The following RAP2C variants were observed in gnomAD, a reference collection of about 807,000 sequenced individuals.
The protein encoded by RAP2C is RAP2C, member of RAS oncogene family.
RAP2C carries 3 observed loss-of-function variants against 8.9 expected under a neutral mutation model. The observed-to-expected ratio is 0.34, with a 90% CI of 0.15 to 0.87. RAP2C has a LOEUF of 0.87. Among genes scored for constraint, RAP2C ranks in the 40% least tolerant of loss-of-function variants. RAP2C has a pLI of 0.51. For synonymous variants in RAP2C, 60 were observed against 52.1 expected (o/e 1.15, Z -0.65); for missense variants, 76 against 133.7 (o/e 0.57, Z 2.13).
chrX:132,214,013 T>C, intron 5 of RAP2C, 121 bp downstream of exon 5: 1 of 544,108 alleles, frequency 1.8e-6, no homozygotes, highest in South Asian at 6.8e-5. Context: ...ATGGAAAATG[T>C]TATTTTAAAA....
intron 1 of RAP2C, among the ~76,000 whole-genome samples, chrX:132,219,099 C>T (rs1275330008): frequency 1.8e-5 from 2 of 111,885 alleles, no homozygotes; most frequent in Admixed American, 1.9e-4. Context: ...AACTTTGTGT[C>T]GGATCCACAG....
intron 5 of RAP2C, among the ~76,000 whole-genome samples, chrX:132,212,876 TAAG>T (rs1930470060): frequency 8.9e-6 from 1 of 112,395 alleles, no homozygotes; most frequent in Non-Finnish European, 1.9e-5. Context: ...TAGCTAGACA[TAAG>T]AAAATAAATG....
intron 5 of RAP2C, among the ~76,000 whole-genome samples, chrX:132,207,922 C>T (rs1930317033): frequency 9.0e-6 from 1 of 110,823 alleles, no homozygotes; most frequent in Non-Finnish European, 1.9e-5. Flanking sequence ...AATCTTATCT[C>T]TGGAAGCTTC....
chrX:132,205,309 T>C lies in RAP2C; in HGVS notation c.*313A>G, dbSNP rs746862692. 22 of 112,115 alleles carry C rather than the reference T, an allele frequency of 2.0e-4. No individual in the cohort carries two copies. The highest frequency in any genetic ancestry group is 3.8e-4 in the Non-Finnish European group (20 of 53,177). 9.2% of individuals were successfully genotyped at this position (112,115 alleles called of 1,213,427 possible). On this transcript the variant is annotated 3_prime_UTR_variant, in exon 6 of 6. Transcript: ENST00000370874. ...TCGAGAAACTGATTAAAGAAATCAA[T>C]TAAAATATTAAAAATTAACCCTTGT...
chrX:132,206,616 AT>A (rs1454604043), intron 5 of RAP2C, among the ~76,000 whole-genome samples: 1 of 112,280 alleles, frequency 8.9e-6, no homozygotes, highest in East Asian at 2.8e-4. Context: ...GTTTATAATC[AT>A]TTAAGGGCTC....
chrX:132,210,117 G>T (rs1045000103), intron 5 of RAP2C, among the ~76,000 whole-genome samples: 3 of 110,844 alleles, frequency 2.7e-5, no homozygotes. Context: ...TATGCAAATA[G>T]AGCAGTGGGA....
At position 132,203,335 on chromosome X, in the gene RAP2C, C is replaced by T. The variant is rs746933409; in HGVS notation, c.*2287G>A. 2.4e-4 allele frequency: 27 copies of T among 111,434 alleles called. No individual in the cohort carries two copies. Among genetic ancestry groups the T allele is most frequent in the Non-Finnish European group, 4.7e-4 (25 of 52,966 alleles). The allele number at this position is 111,434 out of a possible 1,213,427, so 9.2% of individuals were successfully genotyped here. On this transcript the variant is annotated 3_prime_UTR_variant, in exon 6 of 6. Transcript: ENST00000370874. ...ATTGCATTTAATATTAATTTATTAT[C>T]CTAATAAGCAACATGCAATCTATTG... is the stretch of plus-strand genomic sequence containing the variant.
chrX:132,205,476 A>G lies in RAP2C; in HGVS notation c.*146T>C, dbSNP rs1326143167. ...GGCCAAAGACCTTATGCACTTAAAT[A>G]GATGTATGGCAACATGCTGTAATAG... On this transcript the variant is annotated 3_prime_UTR_variant, in exon 6 of 6. Transcript: ENST00000370874. 1 of 111,908 alleles carries G rather than the reference A, an allele frequency of 8.9e-6. No individual in the cohort carries two copies. Among genetic ancestry groups the G allele is most frequent in the African/African-American group, 3.3e-5 (1 of 30,655 alleles). 9.2% of individuals were successfully genotyped at this position (111,908 alleles called of 1,213,427 possible).
Position 132,217,297 on chromosome X carries a change from A to T in RAP2C, c.-29T>A. The stretch of plus-strand genomic sequence containing the variant: ...TCTCACCTTCACCAACTCCTACCAG[A>T]GGGGGGGAAAGATCACCCCGCTAGC... On this transcript the variant is annotated 5_prime_UTR_variant, in exon 4 of 6. Transcript: ENST00000370874. 1 of 1,056,679 alleles carries T rather than the reference A, an allele frequency of 9.5e-7. No homozygotes were observed. The highest frequency in any genetic ancestry group is 3.0e-5 in the South Asian group (1 of 33,747). The allele number at this position is 1,056,679 out of a possible 1,213,427, so 87.1% of individuals were successfully genotyped here. A position where few individuals can be genotyped will look rare whatever the true frequency, so the allele number is the denominator to read the frequency against.
intron 4 of RAP2C, 173 bp from the exon 5 acceptor site, chrX:132,214,619 C>T (rs1030149262): frequency 5.6e-6 from 4 of 711,005 alleles, no homozygotes; most frequent in Non-Finnish European, 6.7e-6. Context: ...GAAGTAAGAA[C>T]TAGATAATTT....
chrX:132,206,222 G>A (rs1343645114), intron 5 of RAP2C, among the ~76,000 whole-genome samples: 2 of 111,096 alleles, frequency 1.8e-5, no homozygotes, highest in Non-Finnish European at 3.8e-5. Context: ...AAGGAAGGAA[G>A]GAAATTCAAT....
chrX:132,203,323 T>C lies in RAP2C; in HGVS notation c.*2299A>G, dbSNP rs1393977989. Reference sequence around the variant, plus strand: ...GACAAGACATATATTGCATTTAATATTAATTTATTATCCTAATAAGCAACA... The same window carrying C: ...GACAAGACATATATTGCATTTAATACTAATTTATTATCCTAATAAGCAACA... On this transcript the variant is annotated 3_prime_UTR_variant, in exon 6 of 6. Transcript: ENST00000370874. 2.7e-5 allele frequency: 3 copies of C among 111,954 alleles called. No homozygotes were observed. Among genetic ancestry groups the C allele is most frequent in the Non-Finnish European group, 5.6e-5 (3 of 53,106 alleles). 9.2% of individuals were successfully genotyped at this position (111,954 alleles called of 1,213,427 possible).
chrX:132,219,335 C>T (rs1159789779), intron 1 of RAP2C, 35 bp downstream of exon 1: 1 of 112,286 alleles, frequency 8.9e-6, no homozygotes, highest in Non-Finnish European at 1.9e-5. Flanking sequence ...TGAGGTCCCA[C>T]TGTCCCTCCC....
chrX:132,204,142 T>C lies in RAP2C; in HGVS notation c.*1480A>G, dbSNP rs949325042. The C allele has an allele frequency of 1.8e-5, 2 of 112,544 alleles. No individual in the cohort carries two copies. The highest frequency in any genetic ancestry group is 9.5e-5 in the Admixed American group (1 of 10,577). The allele number at this position is 112,544 out of a possible 1,213,427, so 9.3% of individuals were successfully genotyped here. On this transcript the variant is annotated 3_prime_UTR_variant, in exon 6 of 6. Transcript: ENST00000370874. ...TTTTGTTTTATTTTATTTAGAAGCA[T>C]GTTCAAATGACTAAAGCTGGGCTCC...
rs775970182 is a variant in RAP2C, at chrX:132,217,280, T to A, written c.-12A>T. 1 of 1,075,990 alleles carries A rather than the reference T, an allele frequency of 9.3e-7. No individual in the cohort carries two copies. The highest frequency in any genetic ancestry group is 2.8e-5 in the South Asian group (1 of 35,557). The allele number at this position is 1,075,990 out of a possible 1,213,427, so 88.7% of individuals were successfully genotyped here. A position where few individuals can be genotyped will look rare whatever the true frequency, so the allele number is the denominator to read the frequency against. ...TTGTATTCCCTCATGAGTCTCACCT[T>A]CACCAACTCCTACCAGAGGGGGGGA... On this transcript the variant is annotated 5_prime_UTR_variant, in exon 4 of 6. Transcript: ENST00000370874.
intron 4 of RAP2C, among the ~76,000 whole-genome samples, chrX:132,216,003 T>G (rs1257541534): frequency 8.9e-6 from 1 of 112,338 alleles, no homozygotes; most frequent in East Asian, 2.8e-4. Flanking sequence ...GCTAAAGCAC[T>G]TAAGGTCTCT....
In RAP2C at chrX:132,203,201, T is replaced by G. The variant is rs1930169094; in HGVS notation, c.*2421A>C. ...AGATTTTACCTTTCACTGATAAAGT[T>G]ACAGTACATTAGATCCATGATAATA... is the stretch of plus-strand genomic sequence containing the variant. On this transcript the variant is annotated 3_prime_UTR_variant, in exon 6 of 6. Transcript: ENST00000370874. 1 of 112,250 alleles carries G rather than the reference T, an allele frequency of 8.9e-6. No individual in the cohort carries two copies. The highest frequency in any genetic ancestry group is 9.5e-5 in the Admixed American group (1 of 10,494). 9.3% of individuals were successfully genotyped at this position (112,250 alleles called of 1,213,427 possible). A position where few individuals can be genotyped will look rare whatever the true frequency, so the allele number is the denominator to read the frequency against.
chrX:132,209,373 G>A (rs1214929759), intron 5 of RAP2C, among the ~76,000 whole-genome samples: 1 of 112,254 alleles, frequency 8.9e-6, no homozygotes, highest in Non-Finnish European at 1.9e-5. Flanking sequence ...TACAATTCCA[G>A]CTGCTAGCTT....
chrX:132,218,308 G>C lies in RAP2C; in HGVS notation c.-712C>G, dbSNP rs1275596745. The C allele has an allele frequency of 5.5e-5, 6 of 108,791 alleles. No homozygotes were observed. The highest frequency in any genetic ancestry group is 1.7e-4 in the African/African-American group (5 of 29,828). The allele number at this position is 108,791 out of a possible 1,213,427, so 9.0% of individuals were successfully genotyped here. On this transcript the variant is annotated 5_prime_UTR_variant, in exon 2 of 6. Transcript: ENST00000370874. The stretch of plus-strand genomic sequence containing the variant: ...AGCCGGCCGGGGACGGTTTCGGGTC[G>C]GGACTCCGGCTTCGGGAACGGGCCT...
Sources: allele counts gnomAD v4.1 joint callset (sites outside exome capture counted in the v4.1 genomes callset), GRCh38; gene constraint gnomAD v4.1.1; transcripts MANE v1.5; gene names NCBI Gene and HGNC (gene_info 2026-07-23, HGNC 2026-07-21).